The following VKORC1L1 variants were observed in gnomAD, a reference collection of about 807,000 sequenced individuals.
The protein encoded by VKORC1L1 is vitamin K epoxide reductase complex subunit 1-like protein 1.
A neutral mutation model predicts 18.9 loss-of-function variants in VKORC1L1; 2 were observed. The observed-to-expected ratio is 0.11, with a 90% confidence interval of 0.04 to 0.33. The LOEUF is 0.33. Among genes scored for constraint, VKORC1L1 ranks in the 10% least tolerant of loss-of-function variants. The probability of loss-of-function intolerance (pLI) is 1.00; values close to 1 mark genes in which losing one functional copy is unlikely to be tolerated. For synonymous variants in VKORC1L1, 96 were observed against 100.0 expected (o/e 0.96, Z 0.24); for missense variants, 123 against 224.1 (o/e 0.55, Z 2.88).
chr7:65,913,726 CAA>C (rs566592339), intron 1 of VKORC1L1, among the ~76,000 whole-genome samples: 2 of 73,226 alleles, frequency 2.7e-5, no homozygotes, highest in Non-Finnish European at 2.5e-5. Context: ...GACTCTGTCT[CAA>C]AAAAAAAAAA....
chr7:65,873,260 TGGCGGCGGC>T lies in VKORC1L1; in HGVS notation c.-106_-98del, dbSNP rs1356372469. 1 of 916,454 alleles carries T rather than the reference TGGCGGCGGC, an allele frequency of 1.1e-6. No homozygotes were observed. The highest frequency in any genetic ancestry group is 1.3e-6 in the Non-Finnish European group (1 of 783,348). The allele number at this position is 916,454 out of a possible 1,614,324, so 56.8% of individuals were successfully genotyped here. ...GGCGCGGCGGCGGCGGCGGCGGTGG[TGGCGGCGGC>T]GGCGGAGGCGGCGGTGGCGGCGGTG... On this transcript the variant is annotated 5_prime_UTR_variant, in exon 1 of 3. Coordinates refer to ENST00000360768, the MANE Select transcript of VKORC1L1 (RefSeq NM_173517.6).
the VKORC1L1 span, among the ~76,000 whole-genome samples, chr7:65,867,220 TAGG>T: frequency 6.8e-6 from 1 of 146,692 alleles, no homozygotes; most frequent in Non-Finnish European, 1.5e-5. Flanking sequence ...GGAGAAGGAG[TAGG>T]AGAAGAAGAA....
intron 1 of VKORC1L1, among the ~76,000 whole-genome samples, chr7:65,889,087 A>ATT (rs57828998): frequency 4.3e-5 from 6 of 138,418 alleles, no homozygotes; most frequent in East Asian, 4.2e-4. Flanking sequence ...ACCACTCTCA[A>ATT]TTTTTTTTTT....
intron 2 of VKORC1L1, among the ~76,000 whole-genome samples, chr7:65,951,160 G>A (rs1337104411): frequency 5.3e-5 from 8 of 152,140 alleles, no homozygotes. Context: ...CTTCATGGGA[G>A]GCACATTTGA....
intron 1 of VKORC1L1, among the ~76,000 whole-genome samples, chr7:65,886,458 ATTG>A (rs1789012539): frequency 1.3e-5 from 2 of 152,284 alleles, no homozygotes; most frequent in Admixed American, 1.3e-4. Flanking sequence ...GTAATACGCA[ATTG>A]TTGTGAAAAT....
chr7:65,887,896 T>C (rs141347549), intron 1 of VKORC1L1, among the ~76,000 whole-genome samples: 3,894 of 152,374 alleles, frequency 0.026, 84 homozygotes, highest in Middle Eastern at 0.075. Flanking sequence ...CCCAAAGGAC[T>C]GTACTAATTT....
upstream of VKORC1L1, among the ~76,000 whole-genome samples, chr7:65,871,346 C>A (rs985237152): frequency 1.3e-5 from 2 of 152,166 alleles, no homozygotes; most frequent in African/African-American, 4.8e-5. Context: ...CAGGCATGTG[C>A]CACCGCATCC....
chr7:65,866,157 T>C, the VKORC1L1 span, among the ~76,000 whole-genome samples: 1 of 152,088 alleles, frequency 6.6e-6, no homozygotes, highest in African/African-American at 2.4e-5. Flanking sequence ...TGTTGAGGAA[T>C]TGCAAGATAC....
rs35396314 is a variant in VKORC1L1, at chr7:65,945,264, G to GA, written c.195-3396dup. ...CGACAGAGCCAGACTGTCTCAAAAAGAAAAAAAAAAATAGCAATGTAAACA... is the reference window on the plus strand; with the variant it reads ...CGACAGAGCCAGACTGTCTCAAAAAGAAAAAAAAAAAATAGCAATGTAAACA... On this transcript the variant is annotated intron_variant, in intron 1 of 2. Transcript: ENST00000360768. Among the ~76,000 whole-genome samples, 630 of 133,154 alleles carry GA rather than the reference G, an allele frequency of 4.7e-3. 6 individuals are homozygous for GA. Among genetic ancestry groups the GA allele is most frequent in the African/African-American group, 0.016 (569 of 36,274 alleles). The allele number at this position is 133,154 out of a possible 152,430, so 87.4% of individuals were successfully genotyped here. A position where few individuals can be genotyped will look rare whatever the true frequency, so the allele number is the denominator to read the frequency against.
Position 65,954,225 on chromosome 7 carries a change from T to C in VKORC1L1, c.456T>C (p.Leu152=). Residue 152 remains leucine (L), a synonymous_variant, in exon 3 of 3, where the codon CTT becomes CTC. Transcript: ENST00000360768. ...TCACGTACGTGCTGAACTTCCTTCTTCTCATTATCAACTACAAACGACTAG... is the reference window on the plus strand; with the variant it reads ...TCACGTACGTGCTGAACTTCCTTCTCCTCATTATCAACTACAAACGACTAG... The part of the protein sequence containing the change: ...CIVTYVLNFL[L]LIINYKRLVY... 1 of 1,614,164 alleles carries C rather than the reference T, an allele frequency of 6.2e-7. No individual in the cohort carries two copies. Among genetic ancestry groups the C allele is most frequent in the Non-Finnish European group, 8.5e-7 (1 of 1,180,034 alleles).
rs1790322883 is a variant in VKORC1L1, at chr7:65,957,754, C to T, written c.*3454C>T. 1 of 152,170 alleles carries T rather than the reference C, an allele frequency of 6.6e-6. No homozygotes were observed. Among genetic ancestry groups the T allele is most frequent in the Non-Finnish European group, 1.5e-5 (1 of 68,048 alleles). 9.4% of individuals were successfully genotyped at this position (152,170 alleles called of 1,614,324 possible). A position where few individuals can be genotyped will look rare whatever the true frequency, so the allele number is the denominator to read the frequency against. On this transcript the variant is annotated 3_prime_UTR_variant, in exon 3 of 3. Coordinates refer to ENST00000360768, the MANE Select transcript of VKORC1L1 (RefSeq NM_173517.6). ...GGCTGAGGCAGGAGAATTGCTTGAA[C>T]CCAGTAGGTGGAGGTTGCAGTGAGC...
At position 65,958,331 on chromosome 7, in the gene VKORC1L1, T is replaced by C. The variant is rs1790336053; in HGVS notation, c.*4031T>C. 6.6e-6 allele frequency: 1 copy of C among 152,258 alleles called. No homozygotes were observed. The highest frequency in any genetic ancestry group is 1.5e-5 in the Non-Finnish European group (1 of 68,050). 9.4% of individuals were successfully genotyped at this position (152,258 alleles called of 1,614,324 possible). ...TGTGTAGTATGTTCCATCAGAAATA[T>C]TTCTTACTAGTGCTTTAAGCTCCAG... On this transcript the variant is annotated 3_prime_UTR_variant, in exon 3 of 3. Coordinates refer to ENST00000360768, the MANE Select transcript of VKORC1L1 (RefSeq NM_173517.6).
rs542734268 is a variant in VKORC1L1 at position 65,927,768 on chromosome 7, A to G, written c.195-20903A>G. ...TTATTGTAGCCCACCATGCATTGCA[A>G]CAGTCTCAGCACTCTCCAAACATTT... On this transcript the variant is annotated intron_variant, in intron 1 of 2. Transcript: ENST00000360768. Among the ~76,000 whole-genome samples the G allele has an allele frequency of 2.4e-4, 36 of 152,334 alleles. No homozygotes were observed. In the South Asian group the frequency reaches 7.5e-3, roughly 32 times the overall value.
intron 1 of VKORC1L1, among the ~76,000 whole-genome samples, chr7:65,917,073 CAT>C (rs1204539541): frequency 1.3e-4 from 20 of 152,236 alleles, no homozygotes; most frequent in African/African-American, 4.8e-4. Context: ...CGTAATTAGT[CAT>C]TTACTTAATT....
intron 1 of VKORC1L1, among the ~76,000 whole-genome samples, chr7:65,908,257 T>C (rs1225452953): frequency 6.6e-6 from 1 of 151,814 alleles, no homozygotes; most frequent in Non-Finnish European, 1.5e-5. Flanking sequence ...CTACTAAAAA[T>C]AGAAAAATTA....
chr7:65,942,280 G>A (rs1279600627), intron 1 of VKORC1L1, among the ~76,000 whole-genome samples: 1 of 151,660 alleles, frequency 6.6e-6, no homozygotes, highest in Non-Finnish European at 1.5e-5. Flanking sequence ...GAGGTCAGGA[G>A]ATTGAGACCA....
intron 1 of VKORC1L1, among the ~76,000 whole-genome samples, chr7:65,882,019 G>A (rs1788936563): frequency 6.6e-6 from 1 of 152,122 alleles, no homozygotes; most frequent in South Asian, 2.1e-4. Context: ...GGCAGAGGTT[G>A]CAGTGAGCTG....
intron 1 of VKORC1L1, among the ~76,000 whole-genome samples, chr7:65,937,786 G>T (rs944353428): frequency 2.6e-5 from 4 of 152,170 alleles, no homozygotes; most frequent in African/African-American, 9.6e-5. Flanking sequence ...TTTGAGAAAA[G>T]TCTCTAGTAT....
intron 1 of VKORC1L1, among the ~76,000 whole-genome samples, chr7:65,895,466 AAAAAAAAAAAAAAAATATAT>A (rs1789177544): frequency 2.0e-5 from 1 of 50,340 alleles, no homozygotes; most frequent in Non-Finnish European, 3.6e-5. Context: ...AAAAAAAAAA[AAAAAAAAAAAAAAAATATAT>A]ATATATATAT....
Sources: gnomAD v4.1 joint callset for allele counts (sites outside exome capture counted in the v4.1 genomes callset) on GRCh38, gnomAD v4.1.1 for gene constraint, MANE v1.5 for transcripts, NCBI Gene and HGNC (gene_info 2026-07-23, HGNC 2026-07-21) for gene names.